Variants in LRBA observed in about 807,000 individuals in gnomAD.
The protein encoded by LRBA is LPS responsive beige-like anchor protein.
A neutral mutation model predicts 330.0 loss-of-function variants in LRBA; 176 were observed. That is an observed-to-expected ratio of 0.53 (90% CI 0.47 to 0.60). The LOEUF (loss-of-function observed/expected upper bound fraction) is 0.60, where lower values mean the gene tolerates loss of function less well. LRBA is among the 20% of genes least tolerant of loss of function. LRBA has a pLI of 0.00. For missense variants in LRBA, 3,259 were observed against 3,444.8 expected (o/e 0.95, Z 1.35); for synonymous variants, 1,230 against 1,193.0 (o/e 1.03, Z -0.64).
chr4:150,937,201 A>G (rs1735165790), intron 2 of LRBA, among the ~76,000 whole-genome samples: 3 of 152,138 alleles, frequency 2.0e-5, no homozygotes, highest in Admixed American at 1.3e-4. Flanking sequence ...AATGTGTGGC[A>G]TATTTGATAT....
At chr4:150,555,045 C>G in intron 40 of LRBA, among the ~76,000 whole-genome samples, 1 of 152,128 alleles carries the variant, frequency 6.6e-6, no homozygotes, top group East Asian at 1.9e-4. Context: ...AAATCTGTTT[C>G]AATATGTACC....
intron 38 of LRBA, 62 bp from the exon 39 acceptor site, chr4:150,590,921 T>G: frequency 6.5e-7 from 1 of 1,534,154 alleles, no homozygotes; most frequent in Non-Finnish European, 8.9e-7. Flanking sequence ...GGCAGAGGGG[T>G]AGGGGCTTAG....
chr4:150,290,990 T>C (rs1310639544), intron 53 of LRBA, among the ~76,000 whole-genome samples: 2 of 151,976 alleles, frequency 1.3e-5, no homozygotes, highest in African/African-American at 4.8e-5. Context: ...AGTTTTAGGG[T>C]ACATGTGCAC....
At chr4:150,392,491 T>C (rs919708055) in intron 47 of LRBA, among the ~76,000 whole-genome samples, 2 of 152,164 alleles carry the variant, frequency 1.3e-5, no homozygotes, top group Non-Finnish European at 2.9e-5. Context: ...CCTAATTATC[T>C]TTATTTCTTA....
At chr4:150,550,309 C>A (rs1184354466) in intron 40 of LRBA, among the ~76,000 whole-genome samples, 1 of 151,830 alleles carries the variant, frequency 6.6e-6, no homozygotes, top group Non-Finnish European at 1.5e-5. Context: ...AAACAACACC[C>A]CAAAACAACC....
At position 150,307,488 on chromosome 4, in the gene LRBA, A is replaced by G. The variant is rs1730505674; in HGVS notation, c.7849+2741T>C. 2.6e-5 allele frequency among the ~76,000 whole-genome samples: 4 copies of G among 152,140 alleles called. No homozygotes were observed. The South Asian group carries it at 8.3e-4, about 32-fold the overall frequency. On this transcript the variant is annotated intron_variant, in intron 52 of 56. Coordinates refer to ENST00000651943, the MANE Select transcript of LRBA (RefSeq NM_001364905.1). ...TATGGAAAAACAATATGAAGTCCAAAAGAATATTTGAGAAAAACTCCAGGA... is the reference window on the plus strand; with the variant it reads ...TATGGAAAAACAATATGAAGTCCAAGAGAATATTTGAGAAAAACTCCAGGA...
chr4:150,987,875 G>T (rs538885701), intron 2 of LRBA, among the ~76,000 whole-genome samples: 2 of 151,404 alleles, frequency 1.3e-5, no homozygotes, highest in Non-Finnish European at 2.9e-5. Flanking sequence ...CCTGGTGAGC[G>T]GCTGTAATAC....
chr4:150,852,669 G>A lies in LRBA; in HGVS notation c.3041C>T (p.Thr1014Ile). The A allele has an allele frequency of 1.2e-6, 2 of 1,614,072 alleles. No individual in the cohort carries two copies. Among genetic ancestry groups the A allele is most frequent in the South Asian group, 1.1e-5 (1 of 91,082 alleles). Reference sequence around the variant, plus strand: ...CTCAGCTTTCATTTCTTCATAAGATGTATTAGTAGTTTGCAGTTCAATATT... The same window carrying A: ...CTCAGCTTTCATTTCTTCATAAGATATATTAGTAGTTTGCAGTTCAATATT... ...ASNIELQTTN[T>I]SYEEMKAEQE... The change falls in exon 23 of 57, where the codon ACA becomes ATA. Residue 1014 changes from threonine (T) to isoleucine (I), a missense_variant. By Grantham distance (89) the Thr-to-Ile change is moderately conservative. Transcript: ENST00000651943.
chr4:150,602,494 C>G (rs1456716624), intron 37 of LRBA, among the ~76,000 whole-genome samples: 3 of 152,006 alleles, frequency 2.0e-5, no homozygotes, highest in Non-Finnish European at 4.4e-5. Flanking sequence ...AGTAACAAAC[C>G]TGGGCCTAAA....
intron 38 of LRBA, 51 bp from the exon 39 acceptor site, chr4:150,590,910 C>A: frequency 6.3e-7 from 1 of 1,587,776 alleles, no homozygotes; most frequent in Non-Finnish European, 8.6e-7. Flanking sequence ...AAGAGCACTT[C>A]GGCAGAGGGG....
intron 53 of LRBA, among the ~76,000 whole-genome samples, chr4:150,296,590 C>T (rs1365075233): frequency 6.6e-6 from 1 of 151,930 alleles, no homozygotes; most frequent in Admixed American, 6.6e-5. Flanking sequence ...AACTTCTGCT[C>T]TGTAAAGCGA....
At chr4:150,806,826 A>C (rs1742867468) in intron 32 of LRBA, among the ~76,000 whole-genome samples, 1 of 151,990 alleles carries the variant, frequency 6.6e-6, no homozygotes, top group South Asian at 2.1e-4. Flanking sequence ...TATAGTATAG[A>C]CTCAACAGAC....
At chr4:150,584,103 A>C (rs760139505) in intron 40 of LRBA, 2 of 1,538,522 alleles carry the variant, frequency 1.3e-6, no homozygotes, top group Non-Finnish European at 1.7e-6. Flanking sequence ...GCCTGGACAA[A>C]CTATAGGGTG....
intron 16 of LRBA, among the ~76,000 whole-genome samples, chr4:150,895,543 T>C (rs548020847): frequency 3.3e-5 from 5 of 152,300 alleles, no homozygotes; most frequent in Admixed American, 3.3e-4. Flanking sequence ...GTTTGGTTTT[T>C]TGTCCTTGCA....
At chr4:150,454,112 C>G (rs1013721824) in intron 44 of LRBA, among the ~76,000 whole-genome samples, 7 of 152,108 alleles carry the variant, frequency 4.6e-5, no homozygotes, top group African/African-American at 1.4e-4. Context: ...AGGCACGCAC[C>G]ACCACATCTG....
rs146115552 is a variant in LRBA, at chr4:150,835,445, T to C, written c.4570-3469A>G. ...ATTCTTCCTATCCATGAGCATGGAA[T>C]GTTTTTCCATTTGTTTGTGTCCTCT... On this transcript the variant is annotated intron_variant, in intron 28 of 56. Coordinates refer to ENST00000651943, the MANE Select transcript of LRBA (RefSeq NM_001364905.1). 4.7e-3 allele frequency among the ~76,000 whole-genome samples: 714 copies of C among 152,336 alleles called. 8 individuals are homozygous for C. Among genetic ancestry groups the C allele is most frequent in the African/African-American group, 0.016 (672 of 41,576 alleles).
chr4:150,751,048 A>G (rs963336443), intron 35 of LRBA, among the ~76,000 whole-genome samples: 1 of 152,300 alleles, frequency 6.6e-6, no homozygotes, highest in East Asian at 1.9e-4. Flanking sequence ...AAATACTTCA[A>G]ACCAAATATT....
chr4:150,928,159 A>C (rs1329282550), intron 4 of LRBA, among the ~76,000 whole-genome samples: 1 of 152,208 alleles, frequency 6.6e-6, no homozygotes, highest in Non-Finnish European at 1.5e-5. Context: ...TGAGTTACTC[A>C]AGTTTAAGCC....
chr4:150,631,210 G>C (rs1777344530), intron 37 of LRBA, among the ~76,000 whole-genome samples: 1 of 151,538 alleles, frequency 6.6e-6, no homozygotes, highest in African/African-American at 2.4e-5. Flanking sequence ...ATGCAGAGAG[G>C]ATAATATTAT....
Sources: gnomAD v4.1 joint callset for allele counts (sites outside exome capture counted in the v4.1 genomes callset) on GRCh38, gnomAD v4.1.1 for gene constraint, MANE v1.5 for transcripts, NCBI Gene and HGNC (gene_info 2026-07-23, HGNC 2026-07-21) for gene names.